SDK1: variants seen among roughly 807,000 people sequenced by gnomAD.
The protein encoded by SDK1 is protein sidekick-1.
Under a neutral mutation model 245.5 loss-of-function variants are expected in SDK1, and 157 were observed. That is an observed-to-expected ratio of 0.64 (90% confidence interval 0.56 to 0.73). The LOEUF (loss-of-function observed/expected upper bound fraction) is 0.73. SDK1 is among the 30% of genes least tolerant of loss of function. SDK1 has a pLI of 0.00. For missense variants in SDK1, 3,583 were observed against 3,002.3 expected (o/e 1.19, Z -4.52); for synonymous variants, 1,647 against 1,278.5 (o/e 1.29, Z -6.15).
At chr7:3,790,809 C>A (rs1293424569) in intron 4 of SDK1, among the ~76,000 whole-genome samples, 1 of 152,124 alleles carries the variant, frequency 6.6e-6, no homozygotes, top group Non-Finnish European at 1.5e-5. Context: ...AAAACACACA[C>A]ACAAAACCAA....
intron 1 of SDK1, among the ~76,000 whole-genome samples, chr7:3,606,863 A>C (rs762143397): frequency 2.6e-5 from 4 of 152,170 alleles, no homozygotes; most frequent in Non-Finnish European, 5.9e-5. Context: ...AATCTGTGAA[A>C]TCATAAACCA....
chr7:3,865,901 A>G lies in SDK1; in HGVS notation c.847+44318A>G, dbSNP rs141153916. On this transcript the variant is annotated intron_variant, in intron 5 of 44. Transcript: ENST00000404826. Reference sequence around the variant, plus strand: ...AGAAGTTATTTTGGGCTCCACAGGGAAAAGAAGCCCTCGTAGTCCTACATA... The same window carrying G: ...AGAAGTTATTTTGGGCTCCACAGGGGAAAGAAGCCCTCGTAGTCCTACATA... Among the ~76,000 whole-genome samples the G allele has an allele frequency of 7.7e-3, 1,179 of 152,244 alleles. 17 individuals carry two copies. Among genetic ancestry groups the G allele is most frequent in the African/African-American group, 0.027 (1,105 of 41,534 alleles).
At chr7:3,641,259 A>G (rs998952593) in intron 3 of SDK1, among the ~76,000 whole-genome samples, 53 of 152,178 alleles carry the variant, frequency 3.5e-4, no homozygotes, top group African/African-American at 1.3e-3. Context: ...TCTGACCATA[A>G]TATGGAATCT....
chr7:3,811,964 C>A (rs73672180), intron 4 of SDK1, among the ~76,000 whole-genome samples: 2,721 of 152,254 alleles, frequency 0.018, 87 homozygotes, highest in African/African-American at 0.061. Flanking sequence ...GCCTGTGTGG[C>A]GTATCTACTT....
Position 3,623,573 on chromosome 7 carries a change from C to G in SDK1, c.458+4334C>G, listed in dbSNP as rs560136968. On this transcript the variant is annotated intron_variant, in intron 2 of 44. Transcript: ENST00000404826. Reference sequence around the variant, plus strand: ...TTACATTTCATATTGATGCTCATGTCTACATTTTGGTGGCACAGGTGACTA... The same window carrying G: ...TTACATTTCATATTGATGCTCATGTGTACATTTTGGTGGCACAGGTGACTA... 1.6e-3 allele frequency among the ~76,000 whole-genome samples: 247 copies of G among 152,140 alleles called. 2 individuals are homozygous for G. The highest frequency in any genetic ancestry group is 5.7e-3 in the African/African-American group (236 of 41,508).
At chr7:3,466,183 C>T (rs1417445470) in intron 1 of SDK1, among the ~76,000 whole-genome samples, 1 of 151,726 alleles carries the variant, frequency 6.6e-6, no homozygotes, top group Admixed American at 6.6e-5. Flanking sequence ...AACTACCTGC[C>T]TTTCATCGAG....
chr7:3,705,908 G>C (rs939234085), intron 4 of SDK1, among the ~76,000 whole-genome samples: 7 of 152,114 alleles, frequency 4.6e-5, no homozygotes, highest in African/African-American at 1.7e-4. Flanking sequence ...ATGTGGGTTT[G>C]CCACAGATGG....
intron 17 of SDK1, among the ~76,000 whole-genome samples, chr7:4,038,536 G>T (rs899609621): frequency 6.6e-6 from 1 of 152,164 alleles, no homozygotes; most frequent in African/African-American, 2.4e-5. Flanking sequence ...GTTTCTCTGG[G>T]TCATTTGACC....
At chr7:4,028,745 C>G (rs115841074) in intron 17 of SDK1, among the ~76,000 whole-genome samples, 1 of 152,156 alleles carries the variant, frequency 6.6e-6, no homozygotes, top group Admixed American at 6.5e-5. Context: ...TGGTTTTGAT[C>G]GGCTCCCTGT....
intron 4 of SDK1, among the ~76,000 whole-genome samples, chr7:3,672,417 A>G (rs1783730119): frequency 6.6e-6 from 1 of 151,356 alleles, no homozygotes; most frequent in East Asian, 1.9e-4. Context: ...CTGTGTTTAT[A>G]CTTCTACTGC....
chr7:3,956,305 C>T (rs1781253855), intron 7 of SDK1, among the ~76,000 whole-genome samples: 1 of 152,170 alleles, frequency 6.6e-6, no homozygotes, highest in African/African-American at 2.4e-5. Context: ...TTTTCACGGT[C>T]CATAGGCTTG....
intron 1 of SDK1, among the ~76,000 whole-genome samples, chr7:3,566,154 C>A (rs1362991116): frequency 1.3e-4 from 20 of 149,946 alleles, no homozygotes; most frequent in Admixed American, 1.3e-3. Flanking sequence ...GGTGTCAGTT[C>A]TTCACAAAAT....
At chr7:4,139,204 A>G (rs1404109036) in intron 28 of SDK1, among the ~76,000 whole-genome samples, 2 of 150,894 alleles carry the variant, frequency 1.3e-5, no homozygotes, top group Admixed American at 1.3e-4. Context: ...TCCTGGAGTG[A>G]CCTCCCAAAT....
intron 1 of SDK1, among the ~76,000 whole-genome samples, chr7:3,539,912 A>T (rs928927017): frequency 3.3e-5 from 5 of 152,200 alleles, no homozygotes; most frequent in Non-Finnish European, 5.9e-5. Context: ...GCCTCATCTG[A>T]TGGGAGCTGT....
intron 14 of SDK1, among the ~76,000 whole-genome samples, chr7:4,006,505 T>C (rs562062504): frequency 2.4e-4 from 36 of 152,344 alleles, no homozygotes; most frequent in South Asian, 6.2e-4. Flanking sequence ...ATGTTGCTTA[T>C]TGATTGTCAG....
At chr7:3,805,133 T>G (rs1043878608) in intron 4 of SDK1, among the ~76,000 whole-genome samples, 2 of 152,244 alleles carry the variant, frequency 1.3e-5, no homozygotes, top group African/African-American at 4.8e-5. Context: ...CATAAGTACA[T>G]ACAATTTTTA....
intron 1 of SDK1, among the ~76,000 whole-genome samples, chr7:3,596,928 G>T (rs1040715256): frequency 6.6e-6 from 1 of 152,132 alleles, no homozygotes; most frequent in Non-Finnish European, 1.5e-5. Context: ...TGCCTTACTT[G>T]AACACAGTTT....
At chr7:3,830,202 C>T (rs1277786843) in intron 5 of SDK1, among the ~76,000 whole-genome samples, 1 of 152,054 alleles carries the variant, frequency 6.6e-6, no homozygotes, top group Admixed American at 6.5e-5. Flanking sequence ...AATTAATTCA[C>T]CAAGCAGAAC....
intron 24 of SDK1, 120 bp downstream of exon 24, chr7:4,113,559 ATCGTC>A: frequency 9.3e-7 from 1 of 1,072,304 alleles, no homozygotes; most frequent in Non-Finnish European, 1.3e-6. Flanking sequence ...AACTAATCTC[ATCGTC>A]AAACCAAAAA....
Sources: allele counts gnomAD v4.1 joint callset (sites outside exome capture counted in the v4.1 genomes callset), GRCh38; gene constraint gnomAD v4.1.1; transcripts MANE v1.5; gene names NCBI Gene and HGNC (gene_info 2026-07-23, HGNC 2026-07-21).